DLEU7: variants seen among roughly 807,000 people sequenced by gnomAD.
DLEU7 encodes the protein leukemia-associated protein 7.
In DLEU7, 17 loss-of-function variants were observed where a neutral mutation model predicts 16.0. The ratio of observed to expected loss-of-function variants is 1.06; its 90% CI spans 0.73 to 1.59. DLEU7 has a LOEUF of 1.59. Ranked by LOEUF, DLEU7 falls within the 40% of genes most tolerant of loss-of-function variation. The probability of loss-of-function intolerance (pLI) is 0.00; values close to 1 mark genes in which losing one functional copy is unlikely to be tolerated. For missense variants in DLEU7, 308 were observed against 314.9 expected (o/e 0.98, Z 0.17); for synonymous variants, 113 against 139.8 (o/e 0.81, Z 1.35).
At chr13:50,736,544 T>C (rs1233641468) in intron 1 of DLEU7, among the ~76,000 whole-genome samples, 4 of 152,058 alleles carry the variant, frequency 2.6e-5, no homozygotes, top group Non-Finnish European at 4.4e-5. Context: ...ATTCGTGAAA[T>C]GTAGCAAAAG....
At chr13:50,728,077 C>T (rs1873814906) in intron 1 of DLEU7, among the ~76,000 whole-genome samples, 1 of 152,198 alleles carries the variant, frequency 6.6e-6, no homozygotes, top group Non-Finnish European at 1.5e-5. Context: ...CCTCAGGCTG[C>T]AGATGTTCAT....
At chr13:50,834,147 A>G (rs1653183507) in intron 1 of DLEU7, among the ~76,000 whole-genome samples, 1 of 143,584 alleles carries the variant, frequency 7.0e-6, no homozygotes, top group South Asian at 2.1e-4. Context: ...CTTCATGACT[A>G]AAACACACAA....
At chr13:50,781,519 G>A (rs1468270832) in intron 1 of DLEU7, among the ~76,000 whole-genome samples, 3 of 152,204 alleles carry the variant, frequency 2.0e-5, no homozygotes, top group African/African-American at 7.2e-5. Context: ...CTGCTCTAGA[G>A]CATCTGCAAA....
chr13:50,842,478 G>T (rs1179425093), intron 1 of DLEU7, among the ~76,000 whole-genome samples: 1 of 152,182 alleles, frequency 6.6e-6, no homozygotes, highest in African/African-American at 2.4e-5. Flanking sequence ...ATCTCACTCA[G>T]CCTGGGAGAC....
chr13:50,835,742 C>A (rs1014858054), intron 1 of DLEU7, among the ~76,000 whole-genome samples: 4 of 152,228 alleles, frequency 2.6e-5, no homozygotes, highest in African/African-American at 7.2e-5. Flanking sequence ...ACACTGTGTA[C>A]TTTTCTGCAT....
chr13:50,756,472 T>A (rs1047657422), intron 1 of DLEU7, among the ~76,000 whole-genome samples: 2 of 151,998 alleles, frequency 1.3e-5, no homozygotes, highest in African/African-American at 4.8e-5. Flanking sequence ...CTCTGCTGAG[T>A]CATGCAGGTT....
intron 1 of DLEU7, among the ~76,000 whole-genome samples, chr13:50,781,431 T>C (rs1875646261): frequency 6.6e-6 from 1 of 152,230 alleles, no homozygotes; most frequent in African/African-American, 2.4e-5. Context: ...TCTTAGTAAC[T>C]GTGAAAATAG....
chr13:50,718,232 A>AT (rs760378859), intron 1 of DLEU7, among the ~76,000 whole-genome samples: 15 of 152,222 alleles, frequency 9.9e-5, no homozygotes, highest in Non-Finnish European at 2.2e-4. Flanking sequence ...TCAACTTTGG[A>AT]TTTTTCCTTG....
intron 1 of DLEU7, among the ~76,000 whole-genome samples, chr13:50,788,661 G>T (rs1875859994): frequency 6.6e-6 from 1 of 152,122 alleles, no homozygotes; most frequent in African/African-American, 2.4e-5. Context: ...TATTACAAGG[G>T]AATAAATATT....
intron 1 of DLEU7, among the ~76,000 whole-genome samples, chr13:50,801,710 G>A (rs1348206806): frequency 2.0e-5 from 3 of 151,992 alleles, no homozygotes; most frequent in African/African-American, 4.8e-5. Flanking sequence ...ACCTCAGCGC[G>A]CCCTTGTACC....
intron 1 of DLEU7, among the ~76,000 whole-genome samples, chr13:50,752,503 C>G (rs142828625): frequency 6.6e-6 from 1 of 152,038 alleles, no homozygotes; most frequent in African/African-American, 2.4e-5. Flanking sequence ...CGTGGACCCT[C>G]GCGGTGAGTG....
At chr13:50,815,925 A>AG (rs34685437) in intron 1 of DLEU7, among the ~76,000 whole-genome samples, 170 of 152,028 alleles carry the variant, frequency 1.1e-3, no homozygotes, top group African/African-American at 3.8e-3. Flanking sequence ...AATATTCTTG[A>AG]GGGGGGGCTG....
chr13:50,732,411 C>A (rs189177949), intron 1 of DLEU7, among the ~76,000 whole-genome samples: 3 of 152,088 alleles, frequency 2.0e-5, no homozygotes, highest in African/African-American at 7.2e-5. Context: ...GAGCTCGAGA[C>A]CAGCCTGGCC....
chr13:50,744,908 AG>A (rs1318789194), intron 1 of DLEU7, among the ~76,000 whole-genome samples: 1 of 152,234 alleles, frequency 6.6e-6, no homozygotes. Context: ...ATCCATAAAT[AG>A]AGACCAAAAA....
chr13:50,843,054 C>T lies in DLEU7; in HGVS notation c.459+134G>A. On this transcript the variant is annotated intron_variant, in intron 1 of 1. Coordinates refer to ENST00000504404, the MANE Select transcript of DLEU7 (RefSeq NM_001306135.2). This position sits in a 1 kb window ranked among gnomAD's most constrained non-coding sequence, Gnocchi z 5.7. Reference sequence around the variant, plus strand: ...AGTGTCCCCCGCCCCCTTCCTTCTCCCACTGGGGCTGAATCACAGTGGGCA... The same window carrying T: ...AGTGTCCCCCGCCCCCTTCCTTCTCTCACTGGGGCTGAATCACAGTGGGCA... 3.2e-6 allele frequency: 3 copies of T among 931,034 alleles called. No homozygotes were observed. The African/African-American group carries it at 5.3e-5, about 16-fold the overall frequency. The allele number at this position is 931,034 out of a possible 1,614,324, so 57.7% of individuals were successfully genotyped here.
chr13:50,777,930 G>A (rs751488890), intron 1 of DLEU7, among the ~76,000 whole-genome samples: 7 of 152,184 alleles, frequency 4.6e-5, no homozygotes, highest in African/African-American at 9.6e-5. Context: ...GCAGAACACC[G>A]CAGTGGGCAT....
chr13:50,820,322 G>C (rs986102941), downstream of DLEU7, among the ~76,000 whole-genome samples: 6 of 152,056 alleles, frequency 3.9e-5, no homozygotes, highest in Non-Finnish European at 8.8e-5. Context: ...ACAGTAGCCA[G>C]AGGAATTTTT....
intron 1 of DLEU7, among the ~76,000 whole-genome samples, chr13:50,784,582 G>C (rs531872690): frequency 6.6e-6 from 1 of 152,198 alleles, no homozygotes; most frequent in African/African-American, 2.4e-5. Context: ...AAGTGTTCAA[G>C]TGCATTTTCT....
chr13:50,738,026 A>T (rs1874128486), intron 1 of DLEU7, among the ~76,000 whole-genome samples: 1 of 152,156 alleles, frequency 6.6e-6, no homozygotes, highest in Admixed American at 6.6e-5. Flanking sequence ...TATTGCTGAT[A>T]TGGAGGAAGT....
Sources: gnomAD v4.1 joint callset for allele counts (sites outside exome capture counted in the v4.1 genomes callset) on GRCh38, gnomAD v4.1.1 for gene constraint, Gnocchi (gnomAD v3.1) non-coding constraint, MANE v1.5 for transcripts, NCBI Gene and HGNC (gene_info 2026-07-23, HGNC 2026-07-21) for gene names.